SIPA1L3: variants seen among roughly 807,000 people sequenced by gnomAD.
SIPA1L3 encodes signal induced proliferation associated 1 like 3, also known as signal-induced proliferation-associated 1-like protein 3.
A neutral mutation model predicts 150.1 loss-of-function variants in SIPA1L3; 59 were observed. The observed-to-expected ratio is 0.39, with a 90% confidence interval of 0.32 to 0.49. SIPA1L3 has a LOEUF of 0.49. SIPA1L3 is among the 20% of genes least tolerant of loss of function. SIPA1L3 has a pLI of 0.86. For synonymous variants in SIPA1L3, 1,070 were observed against 1,077.6 expected, an observed-to-expected ratio of 0.99 and a Z score of 0.14; for missense variants, 2,211 against 2,489.5, an observed-to-expected ratio of 0.89 and a Z score of 2.38.
At chr19:37,962,355 G>A (rs955909377) in intron 1 of SIPA1L3, among the ~76,000 whole-genome samples, 1 of 151,662 alleles carries the variant, frequency 6.6e-6, no homozygotes. Context: ...TGTTGGCCAG[G>A]CTGGTCTCAA....
At chr19:37,993,993 C>G (rs1339147733) in intron 1 of SIPA1L3, among the ~76,000 whole-genome samples, 1 of 152,118 alleles carries the variant, frequency 6.6e-6, no homozygotes, top group Non-Finnish European at 1.5e-5. Context: ...TTCCTGGGCT[C>G]AAGCAATCCT....
chr19:38,204,953 C>T (rs978646111), intron 21 of SIPA1L3, among the ~76,000 whole-genome samples: 15 of 152,250 alleles, frequency 9.9e-5, no homozygotes, highest in African/African-American at 2.6e-4. Flanking sequence ...GTCCATGCAG[C>T]GGAACAGCTT....
chr19:38,160,545 G>T (rs1443573605), intron 13 of SIPA1L3, among the ~76,000 whole-genome samples: 1 of 152,060 alleles, frequency 6.6e-6, no homozygotes, highest in African/African-American at 2.4e-5. Flanking sequence ...GGGACTACAG[G>T]CGTGCACCAC....
At chr19:38,037,396 A>C (rs539738679) in intron 2 of SIPA1L3, among the ~76,000 whole-genome samples, 9 of 152,174 alleles carry the variant, frequency 5.9e-5, no homozygotes, top group Non-Finnish European at 1.3e-4. Flanking sequence ...AGAGCTCCGG[A>C]CGTGGGAAGG....
intron 8 of SIPA1L3, among the ~76,000 whole-genome samples, chr19:38,112,857 C>A (rs1258557502): frequency 6.6e-6 from 1 of 152,140 alleles, no homozygotes; most frequent in South Asian, 2.1e-4. Flanking sequence ...AGCTTACCAT[C>A]TCCTGAAACC....
chr19:37,987,927 A>T (rs933932732), intron 1 of SIPA1L3, among the ~76,000 whole-genome samples: 1 of 152,190 alleles, frequency 6.6e-6, no homozygotes, highest in Non-Finnish European at 1.5e-5. Context: ...AAGTCACCAT[A>T]AAGTCCCTTT....
chr19:38,163,614 G>T (rs73026463), intron 14 of SIPA1L3, among the ~76,000 whole-genome samples: 1,713 of 152,194 alleles, frequency 0.011, 20 homozygotes, highest in Middle Eastern at 0.031. Context: ...AGTGAAGGAA[G>T]GGGGAGGCCC....
rs755397510 is a variant in SIPA1L3, at chr19:38,081,552, A to T, written c.-14A>T. 7 of 1,562,138 alleles carry T rather than the reference A, an allele frequency of 4.5e-6. No individual in the cohort carries two copies. The highest frequency in any genetic ancestry group is 6.1e-6 in the Non-Finnish European group (7 of 1,150,548). ...CAGCGTACGGGGCCAGCAGCACTCC[A>T]GTGCCCGTGGACTATGACCACCTAT... On this transcript the variant is annotated 5_prime_UTR_variant, in exon 3 of 22. Coordinates refer to ENST00000222345, the MANE Select transcript of SIPA1L3 (RefSeq NM_015073.3).
intron 13 of SIPA1L3, among the ~76,000 whole-genome samples, chr19:38,154,726 G>A (rs1450078736): frequency 6.6e-6 from 1 of 150,982 alleles, no homozygotes; most frequent in African/African-American, 2.4e-5. Context: ...GATTACAGGC[G>A]TGAGCCACCG....
At chr19:38,061,387 C>A (rs571660659) in intron 2 of SIPA1L3, among the ~76,000 whole-genome samples, 5 of 151,964 alleles carry the variant, frequency 3.3e-5, no homozygotes, top group African/African-American at 1.2e-4. Flanking sequence ...CTTTTGTTTT[C>A]TATAATAATC....
chr19:38,204,876 G>A (rs1973173761), intron 21 of SIPA1L3, among the ~76,000 whole-genome samples: 1 of 152,178 alleles, frequency 6.6e-6, no homozygotes. Context: ...CCACACTATT[G>A]GCAATAAAAA....
chr19:38,065,987 C>CTTATTTATTTATCTATCTAT (rs1969577288), intron 2 of SIPA1L3, among the ~76,000 whole-genome samples: 2 of 121,350 alleles, frequency 1.6e-5, no homozygotes, highest in African/African-American at 6.5e-5. Flanking sequence ...GGCTTGATCT[C>CTTATTTATTTATCTATCTAT]TTATTTATTT....
chr19:38,149,559 G>A (rs1293367096), intron 12 of SIPA1L3, among the ~76,000 whole-genome samples: 16 of 152,190 alleles, frequency 1.1e-4, no homozygotes, highest in Admixed American at 1.0e-3. Context: ...TAGTGGTTCT[G>A]ACAAGATTGT....
In SIPA1L3 at chr19:38,047,650, G is replaced by T. The variant is rs1003552644; in HGVS notation, c.-311+18494G>T. The stretch of plus-strand genomic sequence containing the variant: ...ACCCGGGCCGGGCTGACCCCAGAGC[G>T]CACGCTCCTTTGCCCGCCCCTGCCA... On this transcript the variant is annotated intron_variant, in intron 2 of 21. Transcript: ENST00000222345. The surrounding 1 kb of genome is among the most constrained non-coding windows in gnomAD (Gnocchi z 4.7). 2.6e-5 allele frequency among the ~76,000 whole-genome samples: 4 copies of T among 152,192 alleles called. No individual in the cohort carries two copies. The highest frequency in any genetic ancestry group is 5.9e-5 in the Non-Finnish European group (4 of 68,038).
chr19:37,946,336 T>G (rs1015557655), intron 1 of SIPA1L3, among the ~76,000 whole-genome samples: 1 of 152,078 alleles, frequency 6.6e-6, no homozygotes, highest in Non-Finnish European at 1.5e-5. Context: ...TCTTGCTCTG[T>G]TGCCCAGGCT....
At chr19:37,962,333 G>A (rs1430660820) in intron 1 of SIPA1L3, among the ~76,000 whole-genome samples, 3 of 151,908 alleles carry the variant, frequency 2.0e-5, no homozygotes, top group African/African-American at 4.8e-5. Flanking sequence ...TACTAGAGAT[G>A]GGGTTTCCCC....
At chr19:38,196,422 T>TGGAGGTCAAGGGCGGAGCAA (rs1568605770) in intron 18 of SIPA1L3, among the ~76,000 whole-genome samples, 7 of 135,828 alleles carry the variant, frequency 5.2e-5, no homozygotes, top group Non-Finnish European at 9.4e-5. Flanking sequence ...GGGCAGAGCA[T>TGGAGGTCAAGGGCGGAGCAA]GGAGGTCAAG....
At chr19:37,968,304 C>T (rs2046923772) in intron 1 of SIPA1L3, among the ~76,000 whole-genome samples, 1 of 152,044 alleles carries the variant, frequency 6.6e-6, no homozygotes, top group African/African-American at 2.4e-5. Context: ...ATTTCCTGAC[C>T]TCAGGTGATC....
At chr19:38,017,175 G>T (rs904834270) in intron 1 of SIPA1L3, among the ~76,000 whole-genome samples, 1 of 152,176 alleles carries the variant, frequency 6.6e-6, no homozygotes, top group African/African-American at 2.4e-5. Context: ...GGGATTACAG[G>T]TGTGAGCCAC....
Sources: allele counts gnomAD v4.1 joint callset (sites outside exome capture counted in the v4.1 genomes callset), GRCh38; gene constraint gnomAD v4.1.1; non-coding constraint Gnocchi (gnomAD v3.1); transcripts MANE v1.5; gene names NCBI Gene and HGNC (gene_info 2026-07-23, HGNC 2026-07-21).